RORA: variants seen among roughly 807,000 people sequenced by gnomAD.
RORA encodes the protein nuclear receptor ROR-alpha.
In RORA, 7 loss-of-function variants were observed where a neutral mutation model predicts 69.5. That is an observed-to-expected ratio of 0.10 (90% confidence interval 0.06 to 0.19). RORA has a LOEUF of 0.19. RORA is among the 10% of genes least tolerant of loss of function. The pLI is 1.00. For missense variants in RORA, 457 were observed against 663.0 expected (o/e 0.69, Z 3.41); for synonymous variants, 261 against 240.8 (o/e 1.08, Z -0.78).
At chr15:60,909,750 T>C (rs998866604) in intron 1 of RORA, among the ~76,000 whole-genome samples, 2 of 152,240 alleles carry the variant, frequency 1.3e-5, no homozygotes, top group African/African-American at 2.4e-5. Flanking sequence ...CTCACCACCC[T>C]TGTTGTTCCA....
chr15:60,938,683 T>C (rs1210022577), intron 1 of RORA, among the ~76,000 whole-genome samples: 1 of 152,162 alleles, frequency 6.6e-6, no homozygotes, highest in Non-Finnish European at 1.5e-5. Context: ...GAAGGTTTGC[T>C]TGAGGCCAGG....
chr15:60,524,516 C>T (rs1256161432), intron 3 of RORA, among the ~76,000 whole-genome samples: 1 of 152,222 alleles, frequency 6.6e-6, no homozygotes, highest in Non-Finnish European at 1.5e-5. Context: ...TTCGGTTGCT[C>T]TGGGAACCTC....
intron 1 of RORA, among the ~76,000 whole-genome samples, chr15:60,955,401 A>G (rs889330620): frequency 2.2e-4 from 33 of 152,234 alleles, no homozygotes; most frequent in African/African-American, 7.2e-4. Context: ...AGGAAATATG[A>G]TAATACATAC....
intron 1 of RORA, among the ~76,000 whole-genome samples, chr15:61,045,088 C>CT (rs1255184318): frequency 6.6e-6 from 1 of 152,176 alleles, no homozygotes. Flanking sequence ...TACGGTTTGG[C>CT]TGTGTCTCCA....
rs544261004 is a variant in RORA at position 60,867,395 on chromosome 15, T to C, written c.167-188709A>G. On this transcript the variant is annotated intron_variant, in intron 1 of 10. Transcript: ENST00000335670. Reference sequence around the variant, plus strand: ...GGATCTGATGCTATTTCCAGGTAGATAGTGTCAGAATTGAGTTTAATTGTA... The same window carrying C: ...GGATCTGATGCTATTTCCAGGTAGACAGTGTCAGAATTGAGTTTAATTGTA... 8.5e-5 allele frequency among the ~76,000 whole-genome samples: 13 copies of C among 152,250 alleles called. No individual in the cohort carries two copies. The East Asian group carries it at 1.2e-3, about 14-fold the overall frequency.
intron 1 of RORA, among the ~76,000 whole-genome samples, chr15:60,955,099 C>T (rs1399692226): frequency 6.6e-6 from 1 of 152,022 alleles, no homozygotes; most frequent in African/African-American, 2.4e-5. Context: ...GTTAGGAGTT[C>T]GAGACCAGCC....
chr15:60,962,573 C>T (rs1412317821), intron 1 of RORA, among the ~76,000 whole-genome samples: 1 of 152,154 alleles, frequency 6.6e-6, no homozygotes, highest in African/African-American at 2.4e-5. Flanking sequence ...TGGACTGCTC[C>T]CCGCTCTCCT....
At chr15:61,038,977 G>T (rs1595904507) in intron 1 of RORA, 1 of 152,178 alleles carries the variant, frequency 6.6e-6, no homozygotes, top group African/African-American at 2.4e-5. Context: ...AGGGTAAAGG[G>T]ATATTTGAAG....
At chr15:61,030,046 A>G (rs1408948639) in intron 1 of RORA, among the ~76,000 whole-genome samples, 2 of 152,194 alleles carry the variant, frequency 1.3e-5, no homozygotes, top group African/African-American at 4.8e-5. Context: ...CATAATTGGA[A>G]TCTCATCATA....
chr15:60,595,715 T>C (rs1271777399), intron 2 of RORA, among the ~76,000 whole-genome samples: 1 of 152,028 alleles, frequency 6.6e-6, no homozygotes, highest in Non-Finnish European at 1.5e-5. Context: ...GTAATATTGC[T>C]TACATGAAGA....
At chr15:61,066,651 C>A (rs2078263927) in intron 1 of RORA, among the ~76,000 whole-genome samples, 1 of 151,756 alleles carries the variant, frequency 6.6e-6, no homozygotes, top group South Asian at 2.1e-4. Context: ...TGGTCTCGAA[C>A]TCCTGACCTC....
intron 1 of RORA, among the ~76,000 whole-genome samples, chr15:60,909,878 T>C (rs1023139996): frequency 6.6e-6 from 1 of 152,212 alleles, no homozygotes; most frequent in Non-Finnish European, 1.5e-5. Context: ...TTTTCCTTCT[T>C]TATTTCAGTC....
chr15:61,179,507 T>G (rs1236264713), intron 1 of RORA, among the ~76,000 whole-genome samples: 1 of 152,236 alleles, frequency 6.6e-6, no homozygotes, highest in Non-Finnish European at 1.5e-5. Context: ...AAAACACATG[T>G]ATTTTAAATT....
intron 1 of RORA, among the ~76,000 whole-genome samples, chr15:61,087,055 TA>T (rs1204722385): frequency 2.6e-5 from 4 of 152,128 alleles, no homozygotes; most frequent in African/African-American, 9.7e-5. Context: ...CCTGTAGTCC[TA>T]GCTACTCAAG....
intron 2 of RORA, among the ~76,000 whole-genome samples, chr15:60,571,753 C>G (rs1467828032): frequency 1.3e-5 from 2 of 152,060 alleles, no homozygotes; most frequent in African/African-American, 4.8e-5. Context: ...TATAAAATGC[C>G]CAGCTAGCTA....
intron 1 of RORA, among the ~76,000 whole-genome samples, chr15:60,984,987 T>C (rs1469087039): frequency 6.6e-6 from 1 of 151,446 alleles, no homozygotes; most frequent in Non-Finnish European, 1.5e-5. Flanking sequence ...TGGGCTACAT[T>C]TATTGTTTGA....
At chr15:60,796,824 A>AC (rs1371482928) in intron 1 of RORA, among the ~76,000 whole-genome samples, 2 of 152,156 alleles carry the variant, frequency 1.3e-5, no homozygotes, top group Admixed American at 6.5e-5. Flanking sequence ...AAAATGTGGT[A>AC]CATTCATACA....
intron 1 of RORA, among the ~76,000 whole-genome samples, chr15:60,859,626 GT>G (rs1033133204): frequency 4.2e-5 from 6 of 142,968 alleles, no homozygotes; most frequent in South Asian, 2.3e-4. Flanking sequence ...CGACACCCGG[GT>G]TTTTTTTCTT....
At chr15:61,003,821 C>A (rs1444391651) in intron 1 of RORA, among the ~76,000 whole-genome samples, 1 of 152,084 alleles carries the variant, frequency 6.6e-6, no homozygotes, top group Non-Finnish European at 1.5e-5. Flanking sequence ...GTGATTCACT[C>A]CAGCCGTAGC....
Sources: allele counts gnomAD v4.1 joint callset (sites outside exome capture counted in the v4.1 genomes callset), GRCh38; gene constraint gnomAD v4.1.1; transcripts MANE v1.5; gene names NCBI Gene and HGNC (gene_info 2026-07-23, HGNC 2026-07-21).